FBXO34: variants seen among roughly 807,000 people sequenced by gnomAD.
The protein encoded by FBXO34 is F-box only protein 34.
FBXO34 carries 12 observed loss-of-function variants against 24.5 expected under a neutral mutation model. The ratio of observed to expected loss-of-function variants is 0.49; its 90% CI spans 0.31 to 0.79. FBXO34 has a LOEUF of 0.79. Ranked by LOEUF, FBXO34 falls within the 30% of genes least tolerant of loss-of-function variation. The probability of loss-of-function intolerance (pLI) is 0.04; values close to 1 mark genes in which losing one functional copy is unlikely to be tolerated. For missense variants in FBXO34, 823 were observed against 857.7 expected (o/e 0.96, Z 0.51); for synonymous variants, 320 against 311.9 (o/e 1.03, Z -0.27).
intron 1 of FBXO34, among the ~76,000 whole-genome samples, chr14:55,304,216 C>T (rs1002114529): frequency 5.3e-5 from 8 of 152,156 alleles, no homozygotes; most frequent in African/African-American, 1.7e-4. Context: ...ACAGTAAAAA[C>T]TCTACCATGT....
At chr14:55,319,798 C>T in intron 1 of FBXO34, among the ~76,000 whole-genome samples, 1 of 152,136 alleles carries the variant, frequency 6.6e-6, no homozygotes, top group Non-Finnish European at 1.5e-5. Context: ...GCCTCAGCCT[C>T]CCAAGTAGCT....
At chr14:55,424,334 AG>A in the FBXO34 span, 1 of 842,212 alleles carries the variant, frequency 1.2e-6, no homozygotes, top group Non-Finnish European at 1.9e-6. Flanking sequence ...AGTATATTAA[AG>A]TGCATATTAA....
At chr14:55,440,657 G>C in the FBXO34 span, 4 of 1,239,994 alleles carry the variant, frequency 3.2e-6, no homozygotes, top group South Asian at 3.1e-5. Context: ...CCCAGCTACC[G>C]GCCCATGGGC....
downstream of FBXO34, chr14:55,369,658 C>G: frequency 1.3e-6 from 2 of 1,550,822 alleles, no homozygotes; most frequent in Non-Finnish European, 1.7e-6. Context: ...AGGAGGTCAC[C>G]GAGGCTGCTG....
At chr14:55,421,147 G>C in the FBXO34 span, among the ~76,000 whole-genome samples, 1 of 151,880 alleles carries the variant, frequency 6.6e-6, no homozygotes, top group South Asian at 2.1e-4. Context: ...ATCTATAATA[G>C]GAACTTTGCC....
At chr14:55,434,331 G>A in the FBXO34 span, among the ~76,000 whole-genome samples, 2 of 152,182 alleles carry the variant, frequency 1.3e-5, no homozygotes, top group Non-Finnish European at 2.9e-5. Context: ...CCCTGCAGGT[G>A]AGGCTGACAC....
downstream of FBXO34, among the ~76,000 whole-genome samples, chr14:55,357,680 G>A (rs1884541557): frequency 6.6e-6 from 1 of 152,160 alleles, no homozygotes; most frequent in Non-Finnish European, 1.5e-5. Flanking sequence ...AGGCATGGTG[G>A]CACACACCTG....
the FBXO34 span, among the ~76,000 whole-genome samples, chr14:55,422,926 A>G: frequency 6.6e-6 from 1 of 152,136 alleles, no homozygotes; most frequent in Non-Finnish European, 1.5e-5. Flanking sequence ...AAGAGTCTGA[A>G]CCATTCCCTC....
At chr14:55,293,560 C>T (rs897076351) in intron 1 of FBXO34, among the ~76,000 whole-genome samples, 1 of 151,270 alleles carries the variant, frequency 6.6e-6, no homozygotes. Flanking sequence ...AGTACAGTAT[C>T]GTCTCACTTA....
At chr14:55,286,366 C>T (rs1353509645) in intron 1 of FBXO34, among the ~76,000 whole-genome samples, 1 of 152,188 alleles carries the variant, frequency 6.6e-6, no homozygotes, top group Non-Finnish European at 1.5e-5. Context: ...TTTTGGCTTT[C>T]TCAAGACATT....
In FBXO34 at chr14:55,324,350, A is replaced by T. The variant is rs78516342; in HGVS notation, c.-10-26031A>T. On this transcript the variant is annotated intron_variant, in intron 1 of 1. Coordinates refer to ENST00000313833, the MANE Select transcript of FBXO34 (RefSeq NM_017943.4). ...TACCCATTTATCTCTTGGTAGACAG[A>T]AGGGTTGTCACCACCTTTTATCTAT... Among the ~76,000 whole-genome samples the T allele has an allele frequency of 5.4e-3, 818 of 152,276 alleles. 8 individuals are homozygous for T. The highest frequency in any genetic ancestry group is 0.019 in the African/African-American group (779 of 41,550).
At chr14:55,291,239 A>C (rs532338293) in intron 1 of FBXO34, among the ~76,000 whole-genome samples, 1 of 152,248 alleles carries the variant, frequency 6.6e-6, no homozygotes, top group African/African-American at 2.4e-5. Flanking sequence ...CAGTTTTTGT[A>C]TTTGCTAATT....
At chr14:55,413,539 ATT>A in the FBXO34 span, 1 of 395,282 alleles carries the variant, frequency 2.5e-6, no homozygotes, top group Non-Finnish European at 5.0e-6. Context: ...ACAGTTCAGA[ATT>A]TTTTTTGACA....
Position 55,351,216 on chromosome 14 carries a change from C to T in FBXO34, c.826C>T (p.Pro276Ser), listed in dbSNP as rs1242511783. Residue 276 changes from proline to serine, a missense_variant, in exon 2 of 2, where the codon CCA becomes TCA. Transcript: ENST00000313833. Reference sequence around the variant, plus strand: ...TGAGGTTGGTGAACCACAGAGCGAACCAGTCCGTGTCCTTGACATGGTAGC... The same window carrying T: ...TGAGGTTGGTGAACCACAGAGCGAATCAGTCCGTGTCCTTGACATGGTAGC... The part of the protein sequence containing the change: ...NLEVGEPQSE[P>S]VRVLDMVAKL... 6.2e-7 allele frequency: 1 copy of T among 1,614,076 alleles called. No homozygotes were observed.
chr14:55,302,237 C>T lies in FBXO34; in HGVS notation c.-11+30700C>T, dbSNP rs144342684. Among the ~76,000 whole-genome samples, 541 of 152,152 alleles carry T rather than the reference C, an allele frequency of 3.6e-3. 5 individuals are homozygous for T. The Middle Eastern group carries it at 0.051, about 14-fold the overall frequency. ...CATCTGAACTTCTAGGTTTGAATAG[C>T]GGGACATTACATGGAGGTGATTTTT... On this transcript the variant is annotated intron_variant, in intron 1 of 1. Transcript: ENST00000313833.
the FBXO34 span, chr14:55,433,738 A>T: frequency 1.9e-6 from 3 of 1,611,200 alleles, no homozygotes; most frequent in East Asian, 2.2e-5. Flanking sequence ...CCAGAAACCA[A>T]AAGAGAATTA....
At chr14:55,296,778 A>G (rs1032464717) in intron 1 of FBXO34, among the ~76,000 whole-genome samples, 10 of 152,174 alleles carry the variant, frequency 6.6e-5, no homozygotes, top group South Asian at 4.1e-4. Context: ...CCTACCTACT[A>G]TAGAAAGCAA....
At chr14:55,277,580 C>T (rs1300419899) in intron 1 of FBXO34, among the ~76,000 whole-genome samples, 1 of 152,266 alleles carries the variant, frequency 6.6e-6, no homozygotes, top group Admixed American at 6.5e-5. Context: ...TGTACTGCAG[C>T]CTTGAACTTT....
rs3051307 is a variant in FBXO34 at position 55,295,387 on chromosome 14, A to ATT, written c.-11+23872_-11+23873dup. On this transcript the variant is annotated intron_variant, in intron 1 of 1. Transcript: ENST00000313833. ...CTCTATGAGGTAAATATTCTTTTCT[A>ATT]TTTTTTTTTTTTTTTTTTTTTTTGG... is the stretch of plus-strand genomic sequence containing the variant. 7.8e-3 allele frequency among the ~76,000 whole-genome samples: 716 copies of ATT among 91,320 alleles called. 2 individuals carry two copies. Among genetic ancestry groups the ATT allele is most frequent in the Non-Finnish European group, 0.011 (570 of 50,036 alleles). 59.9% of individuals were successfully genotyped at this position (91,320 alleles called of 152,430 possible).
Sources: gnomAD v4.1 joint callset for allele counts (sites outside exome capture counted in the v4.1 genomes callset) on GRCh38, gnomAD v4.1.1 for gene constraint, MANE v1.5 for transcripts, NCBI Gene and HGNC (gene_info 2026-07-23, HGNC 2026-07-21) for gene names.